QKI: variants seen among roughly 807,000 people sequenced by gnomAD.
QKI encodes QKI, KH domain containing RNA binding.
A neutral mutation model predicts 39.0 loss-of-function variants in QKI; 10 were observed. That is an observed-to-expected ratio of 0.26 (90% CI 0.16 to 0.43). QKI has a LOEUF of 0.43. QKI is among the 20% of genes least tolerant of loss of function. The pLI is 1.00. For missense variants in QKI, 218 were observed against 428.0 expected, an observed-to-expected ratio of 0.51 and a Z score of 4.33; for synonymous variants, 204 against 155.4, an observed-to-expected ratio of 1.31 and a Z score of -2.33.
In QKI at chr6:163,572,382, A is replaced by G. The variant is rs1318917022; in HGVS notation, c.*1672A>G. On this transcript the variant is annotated 3_prime_UTR_variant, in exon 8 of 8. Coordinates refer to ENST00000361752, the MANE Select transcript of QKI (RefSeq NM_006775.3). ...ACAATGTTTTAAATCACCCAAATTT[A>G]ATCACATGTCTTTATATCATACCAG... 6.6e-6 allele frequency: 1 copy of G among 152,210 alleles called. No homozygotes were observed. The highest frequency in any genetic ancestry group is 1.5e-5 in the Non-Finnish European group (1 of 68,032). 9.4% of individuals were successfully genotyped at this position (152,210 alleles called of 1,614,324 possible).
chr6:163,481,993 A>G lies in QKI; in HGVS notation c.402+3097A>G, dbSNP rs550210263. On this transcript the variant is annotated intron_variant, in intron 3 of 7. Coordinates refer to ENST00000361752, the MANE Select transcript of QKI (RefSeq NM_006775.3). ...CAGGAGTTGAAGACCAACAAGGTCA[A>G]CATAGTGAGACCCCCATCTCTACAA... 2.6e-4 allele frequency among the ~76,000 whole-genome samples: 40 copies of G among 152,260 alleles called. 1 individual carries two copies. Among genetic ancestry groups the G allele is most frequent in the African/African-American group, 9.1e-4 (38 of 41,546 alleles).
intron 3 of QKI, among the ~76,000 whole-genome samples, chr6:163,516,229 A>G (rs181715832): frequency 2.9e-4 from 44 of 152,276 alleles, no homozygotes; most frequent in Admixed American, 1.0e-3. Flanking sequence ...CTCAGTGTCT[A>G]CCTGTTGCTT....
chr6:163,460,804 T>C (rs1791294728), intron 2 of QKI, among the ~76,000 whole-genome samples: 1 of 152,154 alleles, frequency 6.6e-6, no homozygotes, highest in Non-Finnish European at 1.5e-5. Context: ...AAATCAAAAT[T>C]TAATGATATT....
At chr6:163,499,893 G>A (rs1778644216) in intron 3 of QKI, among the ~76,000 whole-genome samples, 1 of 152,162 alleles carries the variant, frequency 6.6e-6, no homozygotes, top group Admixed American at 6.5e-5. Context: ...ATAGGGATAA[G>A]TGCCATGAAA....
chr6:163,457,063 C>T (rs923379256), intron 2 of QKI, among the ~76,000 whole-genome samples: 5 of 152,138 alleles, frequency 3.3e-5, no homozygotes, highest in Admixed American at 3.3e-4. Flanking sequence ...GTGATTTGGG[C>T]AGCTGTTCCA....
chr6:163,556,079 C>T (rs948472895), intron 4 of QKI, among the ~76,000 whole-genome samples: 12 of 152,152 alleles, frequency 7.9e-5, no homozygotes, highest in Non-Finnish European at 1.8e-4. Context: ...AGGGATAATG[C>T]ACTGCCAATA....
intron 1 of QKI, among the ~76,000 whole-genome samples, chr6:163,452,065 A>T (rs557103960): frequency 2.0e-5 from 3 of 152,244 alleles, no homozygotes; most frequent in Non-Finnish European, 4.4e-5. Context: ...CAGTGGATTT[A>T]GTTCATTCAT....
At chr6:163,536,658 G>A (rs1329014114) in intron 4 of QKI, among the ~76,000 whole-genome samples, 1 of 151,892 alleles carries the variant, frequency 6.6e-6, no homozygotes, top group African/African-American at 2.4e-5. Context: ...CTAGTGTTTA[G>A]CATAGAGCCC....
At chr6:163,426,322 T>A (rs1183268041) in intron 1 of QKI, among the ~76,000 whole-genome samples, 6 of 152,102 alleles carry the variant, frequency 3.9e-5, no homozygotes, top group Non-Finnish European at 8.8e-5. Context: ...CTATTAACAT[T>A]GGAAGCTAGT....
intron 1 of QKI, chr6:163,416,444 A>T (rs957695071): frequency 6.3e-6 from 1 of 158,992 alleles, no homozygotes; most frequent in Non-Finnish European, 1.4e-5. Context: ...TCCTGCTTAG[A>T]GGCACCACCG....
chr6:163,491,272 C>A (rs1322573238), intron 3 of QKI, among the ~76,000 whole-genome samples: 1 of 152,106 alleles, frequency 6.6e-6, no homozygotes, highest in African/African-American at 2.4e-5. Context: ...TTAAAACTGT[C>A]TTTTATCAAG....
chr6:163,570,136 A>T, intron 7 of QKI: 1 of 986,054 alleles, frequency 1.0e-6, no homozygotes, highest in Non-Finnish European at 1.2e-6. Context: ...CATTTATTGA[A>T]CAAAAGAAAC....
At chr6:163,470,927 G>A (rs962298388) in intron 2 of QKI, among the ~76,000 whole-genome samples, 1 of 152,076 alleles carries the variant, frequency 6.6e-6, no homozygotes, top group Non-Finnish European at 1.5e-5. Flanking sequence ...AGTATTAGAA[G>A]AAGAGGAGAG....
chr6:163,503,008 C>T (rs967450521), intron 3 of QKI, among the ~76,000 whole-genome samples: 1 of 152,038 alleles, frequency 6.6e-6, no homozygotes. Context: ...TCAACAGCAT[C>T]TATGTTTTTT....
intron 1 of QKI, among the ~76,000 whole-genome samples, chr6:163,443,155 A>T (rs559393881): frequency 6.6e-6 from 1 of 152,260 alleles, no homozygotes; most frequent in Non-Finnish European, 1.5e-5. Context: ...GGCACTGTGT[A>T]ATATGTTGGT....
At chr6:163,528,744 G>T (rs541724396) in intron 3 of QKI, among the ~76,000 whole-genome samples, 1 of 152,238 alleles carries the variant, frequency 6.6e-6, no homozygotes, top group African/African-American at 2.4e-5. Context: ...GCCATCAAGT[G>T]TGAATGAATT....
At chr6:163,476,190 A>G (rs1360117797) in intron 2 of QKI, among the ~76,000 whole-genome samples, 1 of 152,202 alleles carries the variant, frequency 6.6e-6, no homozygotes. Flanking sequence ...ATTGGAGAGG[A>G]AGTGGATCAA....
chr6:163,438,432 T>G (rs1789480028), intron 1 of QKI, among the ~76,000 whole-genome samples: 1 of 152,226 alleles, frequency 6.6e-6, no homozygotes. Context: ...TGCATCATTA[T>G]GCTATTTCCT....
intron 2 of QKI, among the ~76,000 whole-genome samples, chr6:163,464,776 C>T (rs2128221570): frequency 6.6e-6 from 1 of 152,244 alleles, no homozygotes; most frequent in South Asian, 2.1e-4. Flanking sequence ...GAATTACCAC[C>T]AACCCTTCTC....
Sources: allele counts gnomAD v4.1 joint callset (sites outside exome capture counted in the v4.1 genomes callset), GRCh38; gene constraint gnomAD v4.1.1; transcripts MANE v1.5; gene names NCBI Gene and HGNC (gene_info 2026-07-23, HGNC 2026-07-21).